The following SLC8A1 variants were observed in gnomAD, a reference collection of about 807,000 sequenced individuals.
SLC8A1 encodes the protein sodium/calcium exchanger 1.
In SLC8A1, 18 loss-of-function variants were observed where a neutral mutation model predicts 68.3. That is an observed-to-expected ratio of 0.26 (90% CI 0.18 to 0.39). SLC8A1 has a LOEUF of 0.39. Among genes scored for constraint, SLC8A1 ranks in the 10% least tolerant of loss-of-function variants. The pLI is 1.00. For synonymous variants in SLC8A1, 475 were observed against 415.5 expected (o/e 1.14, Z -1.74); for missense variants, 985 against 1,156.7 (o/e 0.85, Z 2.15).
chr2:40,452,357 C>G (rs1209823988), upstream of SLC8A1, among the ~76,000 whole-genome samples: 1 of 152,064 alleles, frequency 6.6e-6, no homozygotes, highest in Non-Finnish European at 1.5e-5. Flanking sequence ...GGGAGCCCTT[C>G]CAGCCTCCCA....
At chr2:40,200,166 A>G in intron 2 of SLC8A1, among the ~76,000 whole-genome samples, 1 of 98,638 alleles carries the variant, frequency 1.0e-5, no homozygotes, top group Non-Finnish European at 1.9e-5. Context: ...GAGGATTTCA[A>G]GTCATTGATA....
intron 2 of SLC8A1, among the ~76,000 whole-genome samples, chr2:40,356,099 C>T (rs1268393749): frequency 2.0e-5 from 3 of 152,144 alleles, no homozygotes; most frequent in Admixed American, 6.5e-5. Flanking sequence ...CTCCAGGAAG[C>T]CTTACTGAGC....
Position 40,412,617 on chromosome 2 carries a change from T to C in SLC8A1, c.1808+15856A>G, listed in dbSNP as rs955124384. Among the ~76,000 whole-genome samples, 4 of 152,172 alleles carry C rather than the reference T, an allele frequency of 2.6e-5. No individual in the cohort carries two copies. In the South Asian group the frequency reaches 8.3e-4, roughly 32 times the overall value. On this transcript the variant is annotated intron_variant, in intron 2 of 7. Coordinates refer to ENST00000406785, the Ensembl canonical transcript of SLC8A1. ...CATGCTTCTGAGGCACTACTGACTG[T>C]ATAGATCAAAGACAGCACAGGTAAT...
At chr2:40,447,610 A>G (rs542072807) in intron 1 of SLC8A1, among the ~76,000 whole-genome samples, 1 of 149,334 alleles carries the variant, frequency 6.7e-6, no homozygotes, top group African/African-American at 2.5e-5. Flanking sequence ...AAAAAAAAAG[A>G]AAGAACATAT....
At chr2:40,426,356 C>A (rs1017647296) in intron 2 of SLC8A1, among the ~76,000 whole-genome samples, 2 of 151,928 alleles carry the variant, frequency 1.3e-5, no homozygotes, top group Non-Finnish European at 2.9e-5. Flanking sequence ...CCAACTCCAC[C>A]AATGTTTACC....
At chr2:40,138,887 T>C (rs2041033550) in intron 7 of SLC8A1, among the ~76,000 whole-genome samples, 1 of 152,212 alleles carries the variant, frequency 6.6e-6, no homozygotes, top group African/African-American at 2.4e-5. Flanking sequence ...GATTACTTTT[T>C]TCCTGTCTTG....
At chr2:40,409,264 G>A (rs1242123059) in intron 2 of SLC8A1, among the ~76,000 whole-genome samples, 2 of 152,016 alleles carry the variant, frequency 1.3e-5, no homozygotes, top group Non-Finnish European at 2.9e-5. Flanking sequence ...TGTTACTAGG[G>A]TATATTCTAA....
intron 2 of SLC8A1, among the ~76,000 whole-genome samples, chr2:40,302,552 T>C (rs1319125231): frequency 2.0e-5 from 3 of 148,936 alleles, no homozygotes; most frequent in Admixed American, 1.3e-4. Context: ...ATCATATATA[T>C]GTATATATAT....
At chr2:40,458,382 ATTC>A (rs1703148464) in intron 1 of SLC8A1, among the ~76,000 whole-genome samples, 1 of 152,026 alleles carries the variant, frequency 6.6e-6, no homozygotes, top group African/African-American at 2.4e-5. Context: ...TTGAACATTT[ATTC>A]CTCAGCATCT....
chr2:40,254,657 C>T (rs2063589365), intron 2 of SLC8A1: 2 of 152,114 alleles, frequency 1.3e-5, no homozygotes, highest in African/African-American at 4.8e-5. Context: ...ACATACACTC[C>T]AAGGTAATGC....
intron 1 of SLC8A1, among the ~76,000 whole-genome samples, chr2:40,466,614 A>C (rs909918297): frequency 1.3e-5 from 2 of 152,170 alleles, no homozygotes; most frequent in Non-Finnish European, 2.9e-5. Flanking sequence ...TATTACGAGG[A>C]TCTTGTAGTG....
intron 2 of SLC8A1, among the ~76,000 whole-genome samples, chr2:40,363,732 G>A (rs1575714580): frequency 6.6e-6 from 1 of 151,918 alleles, no homozygotes; most frequent in Non-Finnish European, 1.5e-5. Flanking sequence ...ACATCGCCTC[G>A]CTTGGATGAT....
In SLC8A1 at chr2:40,260,515, T is replaced by C. The variant is rs551702329; in HGVS notation, c.1809-82660A>G. On this transcript the variant is annotated intron_variant, in intron 2 of 7. Transcript: ENST00000406785. ...CGTCTAAAATAAGTGAACTTTGTTT[T>C]ATAAGTCTTCCTTCTTGCCAAAGCT... Among the ~76,000 whole-genome samples the C allele has an allele frequency of 8.5e-5, 13 of 152,324 alleles. No homozygotes were observed. The East Asian group carries it at 2.3e-3, about 27-fold the overall frequency.
intron 7 of SLC8A1, among the ~76,000 whole-genome samples, chr2:40,139,083 T>A (rs571540605): frequency 8.9e-4 from 135 of 152,320 alleles, no homozygotes; most frequent in African/African-American, 3.1e-3. Context: ...TTTTGTTTTG[T>A]CTTTTCAAAA....
chr2:40,334,548 A>C (rs907993263), intron 2 of SLC8A1, among the ~76,000 whole-genome samples: 1 of 152,188 alleles, frequency 6.6e-6, no homozygotes, highest in African/African-American at 2.4e-5. Context: ...ACCAGTAATA[A>C]AATCATTATC....
intron 2 of SLC8A1, among the ~76,000 whole-genome samples, chr2:40,359,535 G>A (rs1395537793): frequency 6.6e-6 from 1 of 152,042 alleles, no homozygotes; most frequent in Non-Finnish European, 1.5e-5. Context: ...AAAGGCACCT[G>A]GAGGCAATGG....
chr2:40,443,823 C>G (rs1011092958), intron 1 of SLC8A1, among the ~76,000 whole-genome samples: 1 of 152,200 alleles, frequency 6.6e-6, no homozygotes, highest in South Asian at 2.1e-4. Context: ...TCGAATCCTA[C>G]ACTTTGGCAT....
chr2:40,308,837 C>T (rs185922176), intron 2 of SLC8A1, among the ~76,000 whole-genome samples: 221 of 152,228 alleles, frequency 1.5e-3, no homozygotes, highest in African/African-American at 5.1e-3. Flanking sequence ...TTTGTAGAAG[C>T]ATCTTCTCTG....
chr2:40,425,393 A>T (rs2149766848), intron 2 of SLC8A1, among the ~76,000 whole-genome samples: 1 of 152,016 alleles, frequency 6.6e-6, no homozygotes, highest in South Asian at 2.1e-4. Flanking sequence ...TCCAACAATC[A>T]TTAAAGCTGT....
Sources: allele counts gnomAD v4.1 joint callset (sites outside exome capture counted in the v4.1 genomes callset), GRCh38; gene constraint gnomAD v4.1.1; transcripts MANE v1.5; gene names NCBI Gene and HGNC (gene_info 2026-07-23, HGNC 2026-07-21).